The following SMAP1 variants were observed in gnomAD, a reference collection of about 807,000 sequenced individuals.
SMAP1 encodes the protein small ArfGAP 1.
A neutral mutation model predicts 58.5 loss-of-function variants in SMAP1; 24 were observed. The ratio of observed to expected loss-of-function variants is 0.41; its 90% confidence interval spans 0.30 to 0.58. The LOEUF is 0.58. Among genes scored for constraint, SMAP1 ranks in the 20% least tolerant of loss-of-function variants. SMAP1 has a pLI of 0.29. For synonymous variants in SMAP1, 216 were observed against 196.6 expected, an observed-to-expected ratio of 1.10 and a Z score of -0.82; for missense variants, 563 against 566.3, an observed-to-expected ratio of 0.99 and a Z score of 0.06.
At chr6:70,725,950 A>T (rs1253549218) in intron 1 of SMAP1, among the ~76,000 whole-genome samples, 1 of 152,224 alleles carries the variant, frequency 6.6e-6, no homozygotes, top group Non-Finnish European at 1.5e-5. Flanking sequence ...AAGCTGACAA[A>T]GTAGAGTAAA....
chr6:70,779,992 A>G (rs1767695593), intron 4 of SMAP1, among the ~76,000 whole-genome samples: 1 of 152,166 alleles, frequency 6.6e-6, no homozygotes, highest in Admixed American at 6.5e-5. Context: ...GGCAGGCTTT[A>G]TAGTGGCAAG....
At chr6:70,859,236 G>A (rs1406488830) in intron 10 of SMAP1, 17 of 798,172 alleles carry the variant, frequency 2.1e-5, no homozygotes, top group South Asian at 9.4e-5. Flanking sequence ...TGTGCTAAGT[G>A]TCAGTCACAT....
At chr6:70,794,576 C>T (rs963251843) in intron 5 of SMAP1, among the ~76,000 whole-genome samples, 8 of 152,118 alleles carry the variant, frequency 5.3e-5, no homozygotes, top group South Asian at 2.1e-4. Flanking sequence ...CGACAGGCAC[C>T]GGTGTGTGAT....
chr6:70,826,934 CAAAAA>C (rs61069311), intron 6 of SMAP1, among the ~76,000 whole-genome samples: 19 of 76,614 alleles, frequency 2.5e-4, no homozygotes, highest in Non-Finnish European at 3.9e-4. Context: ...AACCGTGTCT[CAAAAA>C]AAAAAAAAAA....
chr6:70,793,797 TTGCAACCTCCCAC>T (rs1311011955), intron 5 of SMAP1, among the ~76,000 whole-genome samples: 1 of 152,024 alleles, frequency 6.6e-6, no homozygotes, highest in Non-Finnish European at 1.5e-5. Flanking sequence ...TCTCGGCTTA[TTGCAACCTCCCAC>T]TGCAACCTCC....
chr6:70,725,868 A>C (rs955144217), intron 1 of SMAP1, among the ~76,000 whole-genome samples: 4 of 152,260 alleles, frequency 2.6e-5, no homozygotes, highest in African/African-American at 9.6e-5. Context: ...ATAGTTCTGG[A>C]GAGATGAATA....
At chr6:70,844,542 G>C (rs1396159606) in intron 7 of SMAP1, among the ~76,000 whole-genome samples, 1 of 152,216 alleles carries the variant, frequency 6.6e-6, no homozygotes, top group African/African-American at 2.4e-5. Flanking sequence ...AATACAGTAA[G>C]AGGATTAGGA....
chr6:70,791,640 T>C (rs1768363136), intron 4 of SMAP1, 49 bp from the exon 5 acceptor site: 2 of 1,495,400 alleles, frequency 1.3e-6, no homozygotes, highest in Admixed American at 1.8e-5. Context: ...CAATTCTCAT[T>C]ACCTTCTTTT....
At chr6:70,745,237 A>G (rs1459429476) in intron 2 of SMAP1, among the ~76,000 whole-genome samples, 1 of 152,208 alleles carries the variant, frequency 6.6e-6, no homozygotes, top group African/African-American at 2.4e-5. Context: ...TTTAGTCATG[A>G]AGTCCTTGCC....
chr6:70,785,181 A>C (rs1217898873), intron 4 of SMAP1, among the ~76,000 whole-genome samples: 1 of 152,234 alleles, frequency 6.6e-6, no homozygotes, highest in African/African-American at 2.4e-5. Context: ...ATGGAAACTG[A>C]ACAACCTGCT....
rs1771670072 is a variant in SMAP1 at position 70,860,478 on chromosome 6, T to C, written c.*144T>C. On this transcript the variant is annotated 3_prime_UTR_variant, in exon 11 of 11. Transcript: ENST00000370455. ...AGAATGATCTGATTGACCGTGTTGGTCTGTACTGATTCAATTTGATGTGGT... is the reference window on the plus strand; with the variant it reads ...AGAATGATCTGATTGACCGTGTTGGCCTGTACTGATTCAATTTGATGTGGT... 1.1e-6 allele frequency: 1 copy of C among 925,292 alleles called. No individual in the cohort carries two copies. The highest frequency in any genetic ancestry group is 2.5e-5 in the South Asian group (1 of 40,378). The allele number at this position is 925,292 out of a possible 1,614,324, so 57.3% of individuals were successfully genotyped here.
rs1259231261 is a variant in SMAP1, at chr6:70,861,028, GTAAC to G, written c.*702_*705del. ...TTTTTCTGCACTATATGCAAACAGG[GTAAC>G]TAACTAAAACAAAGCCACTTTCAAT... On this transcript the variant is annotated 3_prime_UTR_variant, in exon 11 of 11. Coordinates refer to ENST00000370455, the MANE Select transcript of SMAP1 (RefSeq NM_001044305.3). The G allele has an allele frequency of 4.7e-5, 12 of 256,170 alleles. No homozygotes were observed. The highest frequency in any genetic ancestry group is 3.5e-4 in the South Asian group (2 of 5,726). The allele number at this position is 256,170 out of a possible 1,614,324, so 15.9% of individuals were successfully genotyped here.
intron 1 of SMAP1, among the ~76,000 whole-genome samples, chr6:70,710,023 T>C (rs1397990275): frequency 6.6e-6 from 1 of 152,160 alleles, no homozygotes; most frequent in East Asian, 1.9e-4. Flanking sequence ...TCATAGAGTG[T>C]ACTTACACAA....
At chr6:70,808,104 G>A (rs113457580) in intron 6 of SMAP1, among the ~76,000 whole-genome samples, 2,970 of 152,224 alleles carry the variant, frequency 0.02, 62 homozygotes, top group South Asian at 0.11. Context: ...TCTTCATGTT[G>A]ACTTGACTGA....
At chr6:70,712,789 T>A (rs892166618) in intron 1 of SMAP1, among the ~76,000 whole-genome samples, 2 of 147,844 alleles carry the variant, frequency 1.4e-5, no homozygotes, top group African/African-American at 5.2e-5. Context: ...TTTTTCTTTT[T>A]TTCTTTTCTT....
chr6:70,811,829 CA>C (rs1215512163), intron 6 of SMAP1, among the ~76,000 whole-genome samples: 3 of 152,196 alleles, frequency 2.0e-5, no homozygotes, highest in African/African-American at 2.4e-5. Flanking sequence ...CAACTGTATC[CA>C]GTAGTCCCTC....
chr6:70,776,578 C>T (rs143485907), intron 4 of SMAP1, among the ~76,000 whole-genome samples: 6 of 152,286 alleles, frequency 3.9e-5, no homozygotes, highest in Non-Finnish European at 7.4e-5. Flanking sequence ...TATAATACTA[C>T]AGAACACTAA....
At chr6:70,740,229 A>G (rs960389334) in intron 2 of SMAP1, among the ~76,000 whole-genome samples, 5 of 152,194 alleles carry the variant, frequency 3.3e-5, no homozygotes, top group South Asian at 2.1e-4. Context: ...TTAACTTCAC[A>G]TACCTCCCTC....
Position 70,837,885 on chromosome 6 carries a change from A to G in SMAP1, c.664+857A>G, listed in dbSNP as rs200799246. The G allele has an allele frequency of 5.0e-6, 6 of 1,208,928 alleles. No homozygotes were observed. The East Asian group carries it at 4.0e-4, about 81-fold the overall frequency. 74.9% of individuals were successfully genotyped at this position (1,208,928 alleles called of 1,614,324 possible). A position where few individuals can be genotyped will look rare whatever the true frequency, so the allele number is the denominator to read the frequency against. ...AAAAAATTGATCCTAGTTGTTATTGAATAAATTGTTGTCTGTTTTAAGAAT... is the reference window on the plus strand; with the variant it reads ...AAAAAATTGATCCTAGTTGTTATTGGATAAATTGTTGTCTGTTTTAAGAAT... On this transcript the variant is annotated intron_variant, in intron 7 of 10. Transcript: ENST00000370455.
Sources: allele counts gnomAD v4.1 joint callset (sites outside exome capture counted in the v4.1 genomes callset), GRCh38; gene constraint gnomAD v4.1.1; transcripts MANE v1.5; gene names NCBI Gene and HGNC (gene_info 2026-07-23, HGNC 2026-07-21).